The following GSPT1 variants were observed in gnomAD, a reference collection of about 807,000 sequenced individuals.
GSPT1 encodes eukaryotic peptide chain release factor GTP-binding subunit ERF3A.
A neutral mutation model predicts 72.5 loss-of-function variants in GSPT1; 20 were observed. The ratio of observed to expected loss-of-function variants is 0.28; its 90% CI spans 0.19 to 0.40. The LOEUF (loss-of-function observed/expected upper bound fraction) is 0.40. Among genes scored for constraint, GSPT1 ranks in the 10% least tolerant of loss-of-function variants. GSPT1 has a pLI of 1.00. For missense variants in GSPT1, 580 were observed against 811.9 expected (o/e 0.71, Z 3.47); for synonymous variants, 334 against 293.5 (o/e 1.14, Z -1.41).
At chr16:11,882,915 C>T (rs2054139008) in intron 11 of GSPT1, 100 bp downstream of exon 11, 8 of 736,268 alleles carry the variant, frequency 1.1e-5, no homozygotes, top group Non-Finnish European at 1.4e-5. Flanking sequence ...TATGAATGCG[C>T]CACTGTACTC....
At chr16:11,891,399 G>C (rs150968631) in intron 5 of GSPT1, among the ~76,000 whole-genome samples, 270 of 142,576 alleles carry the variant, frequency 1.9e-3, no homozygotes, top group Non-Finnish European at 3.3e-3. Context: ...TTTCGCTCTT[G>C]TCATCCACCT....
chr16:11,875,712 A>G (rs2054039657), intron 14 of GSPT1, 49 bp downstream of exon 14: 1 of 1,384,902 alleles, frequency 7.2e-7, no homozygotes, highest in South Asian at 1.3e-5. Flanking sequence ...AGATGACCAA[A>G]GCTAGGTATC....
chr16:11,896,695 C>G lies in GSPT1; in HGVS notation c.527G>C (p.Gly176Ala). 6.2e-7 allele frequency: 1 copy of G among 1,607,938 alleles called. No homozygotes were observed. The highest frequency in any genetic ancestry group is 8.5e-7 in the Non-Finnish European group (1 of 1,177,032). Residue 176 changes from glycine to alanine, a missense_variant, in exon 4 of 15, where the codon GGA becomes GCA. By Grantham distance (60) the Gly-to-Ala change is moderately conservative. Around this residue, in one of 6 missense-constraint regions of GSPT1, gnomAD observed 327 missense variants for 298.8 expected, o/e 1.09. Coordinates refer to ENST00000434724, the MANE Select transcript of GSPT1 (RefSeq NM_002094.4). ...SEAEPGGGSL[G>A]DGRPPEESAH... is the part of the protein sequence containing the mutation. ...ACTTTCCTCTGGCGGCCTTCCATCT[C>G]CCAAGGAACCACCCCCTGGCTCTGC... is the stretch of plus-strand genomic sequence containing the variant.
chr16:11,868,361 T>TG lies in GSPT1; in HGVS notation c.*4757_*4758insC, dbSNP rs1006310664. ...CCTGATCAGTTCCCTTTAATCCTGT[T>TG]TTTTTTTTTTTTTTTTAAATGAGAT... On this transcript the variant is annotated 3_prime_UTR_variant, in exon 15 of 15. Coordinates refer to ENST00000434724, the MANE Select transcript of GSPT1 (RefSeq NM_002094.4). 9 of 147,600 alleles carry TG rather than the reference T, an allele frequency of 6.1e-5. No homozygotes were observed. Among genetic ancestry groups the TG allele is most frequent in the Admixed American group, 1.4e-4 (2 of 14,766 alleles). 9.1% of individuals were successfully genotyped at this position (147,600 alleles called of 1,614,324 possible). A position where few individuals can be genotyped will look rare whatever the true frequency, so the allele number is the denominator to read the frequency against.
intron 1 of GSPT1, among the ~76,000 whole-genome samples, chr16:11,899,765 C>G (rs1462265352): frequency 6.6e-6 from 1 of 152,084 alleles, no homozygotes; most frequent in Non-Finnish European, 1.5e-5. Context: ...AGTTCACAGG[C>G]CACCCTAAGA....
intron 5 of GSPT1, among the ~76,000 whole-genome samples, chr16:11,894,704 C>T (rs975678744): frequency 6.6e-6 from 1 of 152,206 alleles, no homozygotes; most frequent in East Asian, 1.9e-4. Context: ...AGGCTGGTTT[C>T]AAACTCCAGA....
chr16:11,904,354 C>T lies in GSPT1; in HGVS notation c.353-6319G>A, dbSNP rs557338938. ...AGTAGCTGGGACTACAGGCGCGCGC[C>T]ACCACGCCTGGGTAATTTTTTGTAT... On this transcript the variant is annotated intron_variant, in intron 1 of 14. Transcript: ENST00000434724. Among the ~76,000 whole-genome samples the T allele has an allele frequency of 1.0e-3, 152 of 152,208 alleles. 1 individual carries two copies. The highest frequency in any genetic ancestry group is 1.9e-3 in the South Asian group (9 of 4,822).
chr16:11,915,199 C>A, intron 1 of GSPT1, 170 bp downstream of exon 1: 11 of 1,079,428 alleles, frequency 1.0e-5, no homozygotes, highest in Non-Finnish European at 1.2e-5. Context: ...CGCGGGCCGC[C>A]CCGCGAAGGC....
rs541033933 is a variant in GSPT1, at chr16:11,869,099, C to T, written c.*4020G>A. 6 of 152,258 alleles carry T rather than the reference C, an allele frequency of 3.9e-5. No homozygotes were observed. The highest frequency in any genetic ancestry group is 3.9e-4 in the East Asian group (2 of 5,180). 9.4% of individuals were successfully genotyped at this position (152,258 alleles called of 1,614,324 possible). ...AAGAATATCCTAGAGCCAAAAACCACCAAAAGTTGAACCAAATCTACCTGA... is the reference window on the plus strand; with the variant it reads ...AAGAATATCCTAGAGCCAAAAACCATCAAAAGTTGAACCAAATCTACCTGA... On this transcript the variant is annotated 3_prime_UTR_variant, in exon 15 of 15. Transcript: ENST00000434724.
At position 11,894,155 on chromosome 16, in the gene GSPT1, C is replaced by CAA. The variant is rs57226427; in HGVS notation, c.698+797_698+798dup. ...TTGGTGACAGAATGAGACCCTATCTCAAAAAAAAAAAAAAAAAAAAAAAAA... is the reference window on the plus strand; with the variant it reads ...TTGGTGACAGAATGAGACCCTATCTCAAAAAAAAAAAAAAAAAAAAAAAAAAA... On this transcript the variant is annotated intron_variant, in intron 5 of 14. Coordinates refer to ENST00000434724, the MANE Select transcript of GSPT1 (RefSeq NM_002094.4). Among the ~76,000 whole-genome samples the CAA allele has an allele frequency of 4.2e-4, 18 of 42,672 alleles. 2 individuals are homozygous for CAA. The highest frequency in any genetic ancestry group is 6.4e-4 in the Non-Finnish European group (15 of 23,586). The allele number at this position is 42,672 out of a possible 152,430, so 28.0% of individuals were successfully genotyped here. A position where few individuals can be genotyped will look rare whatever the true frequency, so the allele number is the denominator to read the frequency against.
chr16:11,911,854 A>ATTTTTTTTTTTTTTTTTTTT lies in GSPT1; in HGVS notation c.352+3495_352+3514dup, dbSNP rs1158026034. Among the ~76,000 whole-genome samples the ATTTTTTTTTTTTTTTTTTTT allele has an allele frequency of 2.2e-4, 10 of 45,410 alleles. 2 individuals are homozygous for ATTTTTTTTTTTTTTTTTTTT. The highest frequency in any genetic ancestry group is 7.6e-4 in the Admixed American group (2 of 2,636). 29.8% of individuals were successfully genotyped at this position (45,410 alleles called of 152,430 possible). On this transcript the variant is annotated intron_variant, in intron 1 of 14. Transcript: ENST00000434724. ...GGCATGAGCCACTGCACCCAGCTGT[A>ATTTTTTTTTTTTTTTTTTTT]TTTTTTTTTTTTTTTTTTTTTTTTT...
At chr16:11,891,370 T>TA (rs1373206271) in intron 5 of GSPT1, among the ~76,000 whole-genome samples, 238 of 140,660 alleles carry the variant, frequency 1.7e-3, no homozygotes, top group African/African-American at 5.9e-3. Context: ...ATATATATAT[T>TA]TTTTTTTTTG....
intron 11 of GSPT1, chr16:11,882,562 G>A (rs1301543078): frequency 6.5e-6 from 1 of 152,856 alleles, no homozygotes; most frequent in African/African-American, 2.4e-5. Flanking sequence ...AGGTACTGAT[G>A]ACTCAAGTCT....
intron 1 of GSPT1, among the ~76,000 whole-genome samples, chr16:11,913,349 C>A (rs1488729198): frequency 6.6e-6 from 1 of 152,162 alleles, no homozygotes; most frequent in Non-Finnish European, 1.5e-5. Context: ...GTCGGTAACA[C>A]CAAAATAGTT....
chr16:11,892,525 A>AAAAAAAAAAAAAAAAAAAAT (rs1567443291), intron 5 of GSPT1, among the ~76,000 whole-genome samples: 1 of 141,858 alleles, frequency 7.0e-6, no homozygotes, highest in Non-Finnish European at 1.5e-5. Context: ...AAAAAAAACA[A>AAAAAAAAAAAAAAAAAAAAT]AAAAAACAAA....
In GSPT1 at chr16:11,870,848, G is replaced by C. The variant is rs1033873508; in HGVS notation, c.*2271C>G. ...ATGACCTGTTACTTTTTAGAGGTAG[G>C]CCCTTCACAGTTGATATCCAAGTTA... is the stretch of plus-strand genomic sequence containing the variant. On this transcript the variant is annotated 3_prime_UTR_variant, in exon 15 of 15. Transcript: ENST00000434724. The C allele has an allele frequency of 2.0e-5, 3 of 152,120 alleles. No homozygotes were observed. The highest frequency in any genetic ancestry group is 7.2e-5 in the African/African-American group (3 of 41,406). The allele number at this position is 152,120 out of a possible 1,614,324, so 9.4% of individuals were successfully genotyped here. A position where few individuals can be genotyped will look rare whatever the true frequency, so the allele number is the denominator to read the frequency against.
intron 6 of GSPT1, among the ~76,000 whole-genome samples, chr16:11,890,138 T>G (rs1008451242): frequency 2.0e-5 from 3 of 151,408 alleles, no homozygotes; most frequent in African/African-American, 7.3e-5. Flanking sequence ...TTTTTTGTAT[T>G]TTTAGTAGAG....
chr16:11,896,795 G>A lies in GSPT1; in HGVS notation c.437-10C>T. 1.3e-6 allele frequency: 2 copies of A among 1,495,400 alleles called. No homozygotes were observed. The highest frequency in any genetic ancestry group is 1.8e-6 in the Non-Finnish European group (2 of 1,091,270). The allele number at this position is 1,495,400 out of a possible 1,614,324, so 92.6% of individuals were successfully genotyped here. A position where few individuals can be genotyped will look rare whatever the true frequency, so the allele number is the denominator to read the frequency against. ...GTCTCTCCATTTTCTACTGAAGAAA[G>A]ACATTTTAACTTAGTATTCTGAAAA... On this transcript the variant is annotated splice_polypyrimidine_tract_variant and intron_variant, in intron 3 of 14. Transcript: ENST00000434724.
chr16:11,915,287 G>C (rs1476019757), intron 1 of GSPT1, 82 bp downstream of exon 1: 11 of 1,253,498 alleles, frequency 8.8e-6, no homozygotes, highest in Admixed American at 4.3e-5. Flanking sequence ...GGGCCCCAGG[G>C]CCGCGCGCCC....
Sources: gnomAD v4.1 joint callset for allele counts (sites outside exome capture counted in the v4.1 genomes callset) on GRCh38, gnomAD v4.1.1 for gene constraint, gnomAD v4.1.1 regional missense constraint, MANE v1.5 for transcripts, NCBI Gene and HGNC (gene_info 2026-07-23, HGNC 2026-07-21) for gene names.